SAMD3: variants seen among roughly 807,000 people sequenced by gnomAD.
SAMD3 encodes sterile alpha motif domain-containing protein 3.
Under a neutral mutation model 58.5 loss-of-function variants are expected in SAMD3, and 63 were observed. The ratio of observed to expected loss-of-function variants is 1.08; its 90% CI spans 0.88 to 1.33. The LOEUF (loss-of-function observed/expected upper bound fraction) is 1.33, where lower values mean the gene tolerates loss of function less well. Ranked by LOEUF, SAMD3 falls within the 40% of genes most tolerant of loss-of-function variation. The probability of loss-of-function intolerance (pLI) is 0.00; values close to 1 mark genes in which losing one functional copy is unlikely to be tolerated. For synonymous variants in SAMD3, 220 were observed against 210.3 expected (o/e 1.05, Z -0.40); for missense variants, 604 against 608.4 (o/e 0.99, Z 0.08).
chr6:130,207,948 G>T (rs1795222628), intron 5 of SAMD3, among the ~76,000 whole-genome samples: 1 of 152,220 alleles, frequency 6.6e-6, no homozygotes, highest in Non-Finnish European at 1.5e-5. Flanking sequence ...TAGGGCTGCT[G>T]GGGCCTTGCA....
intron 2 of SAMD3, among the ~76,000 whole-genome samples, chr6:130,245,757 C>G (rs929640967): frequency 1.3e-5 from 2 of 152,150 alleles, no homozygotes; most frequent in Non-Finnish European, 2.9e-5. Flanking sequence ...GGCAAGAATT[C>G]TATGAGATGC....
chr6:130,354,887 C>T (rs1777780082), intron 1 of SAMD3, among the ~76,000 whole-genome samples: 2 of 152,098 alleles, frequency 1.3e-5, no homozygotes, highest in Non-Finnish European at 1.5e-5. Context: ...AGCAGAGCCT[C>T]CTTTGAGACC....
At position 130,146,113 on chromosome 6, in the gene SAMD3, G is replaced by A. The variant is rs1788604400; in HGVS notation, c.1092C>T (p.Ser364=). The A allele has an allele frequency of 6.2e-7, 1 of 1,600,764 alleles. No individual in the cohort carries two copies. Among genetic ancestry groups the A allele is most frequent in the Non-Finnish European group, 8.5e-7 (1 of 1,173,072 alleles). The stretch of plus-strand genomic sequence containing the variant: ...AAGAAGTCAGTATATTTTCTGAATA[G>A]GATTCCAAAATGTGCCTTGTTTTCT... ...IYKKTRHILE[S]YSENILTSFS... is the part of the protein sequence containing the mutation. The change falls in exon 10 of 12, where the codon TCC becomes TCT. Residue 364 remains serine, a synonymous_variant. Coordinates refer to ENST00000439090, the MANE Select transcript of SAMD3 (RefSeq NM_001017373.4).
chr6:130,354,694 A>G (rs543792502), intron 1 of SAMD3, among the ~76,000 whole-genome samples: 1 of 152,230 alleles, frequency 6.6e-6, no homozygotes, highest in Non-Finnish European at 1.5e-5. Context: ...AAAAATAACT[A>G]TTGGGCACCA....
chr6:130,240,860 A>G (rs976344092), intron 2 of SAMD3, among the ~76,000 whole-genome samples: 6 of 152,136 alleles, frequency 3.9e-5, no homozygotes, highest in Non-Finnish European at 7.4e-5. Flanking sequence ...TGAGGGAAGA[A>G]ATTTTTGTTC....
intron 2 of SAMD3, among the ~76,000 whole-genome samples, chr6:130,265,654 C>G (rs918899453): frequency 5.3e-5 from 8 of 152,060 alleles, no homozygotes; most frequent in African/African-American, 1.7e-4. Flanking sequence ...AATGACCAAC[C>G]TAATGTGTGT....
At chr6:130,186,618 G>A (rs1025115247) in intron 5 of SAMD3, among the ~76,000 whole-genome samples, 1 of 151,942 alleles carries the variant, frequency 6.6e-6, no homozygotes, top group Admixed American at 6.6e-5. Context: ...TACTAAATGC[G>A]AATTACTCTT....
intron 1 of SAMD3, among the ~76,000 whole-genome samples, chr6:130,358,726 T>TACACAC (rs3029958): frequency 7.9e-4 from 114 of 144,698 alleles, no homozygotes; most frequent in Middle Eastern, 3.6e-3. Context: ...CACTATGTCT[T>TACACAC]ACACACACAC....
At chr6:130,174,218 G>T (rs1474193324) in intron 8 of SAMD3, among the ~76,000 whole-genome samples, 2 of 152,144 alleles carry the variant, frequency 1.3e-5, no homozygotes, top group Non-Finnish European at 2.9e-5. Context: ...GGCGCCACTG[G>T]GGTATGAAAA....
intron 7 of SAMD3, among the ~76,000 whole-genome samples, chr6:130,177,522 G>T (rs1030369740): frequency 6.6e-6 from 1 of 152,072 alleles, no homozygotes; most frequent in Non-Finnish European, 1.5e-5. Context: ...ACACCTAGAT[G>T]GTATGTAGTT....
intron 8 of SAMD3, among the ~76,000 whole-genome samples, chr6:130,167,720 A>G (rs1790852127): frequency 6.6e-6 from 1 of 152,256 alleles, no homozygotes; most frequent in South Asian, 2.1e-4. Flanking sequence ...ACTAAAAGTC[A>G]GATGCATAAG....
intron 5 of SAMD3, among the ~76,000 whole-genome samples, chr6:130,189,112 A>C (rs1257370692): frequency 6.6e-6 from 1 of 151,870 alleles, no homozygotes; most frequent in Non-Finnish European, 1.5e-5. Flanking sequence ...CCAAAAAAAA[A>C]AAAAAACCAA....
intron 2 of SAMD3, among the ~76,000 whole-genome samples, chr6:130,234,064 A>G (rs1796617665): frequency 6.6e-6 from 1 of 152,180 alleles, no homozygotes; most frequent in African/African-American, 2.4e-5. Flanking sequence ...GGGATTTATC[A>G]TTTATTTTTC....
intron 8 of SAMD3, among the ~76,000 whole-genome samples, chr6:130,171,494 T>G (rs1355680857): frequency 3.3e-5 from 5 of 152,236 alleles, no homozygotes; most frequent in Non-Finnish European, 5.9e-5. Context: ...AGGAGCAGGC[T>G]GTTCAATTTC....
intron 2 of SAMD3, among the ~76,000 whole-genome samples, chr6:130,293,512 C>T (rs1269160779): frequency 6.6e-6 from 1 of 151,766 alleles, no homozygotes; most frequent in East Asian, 1.9e-4. Flanking sequence ...CAGATTACCA[C>T]CTTTTTGTGA....
At chr6:130,143,969 TGAG>T (rs1788397537), downstream of SAMD3, 1 of 153,266 alleles carries the variant, frequency 6.5e-6, no homozygotes, top group African/African-American at 2.4e-5. Context: ...CAGCCAGCAA[TGAG>T]GAGACCTCAA....
intron 1 of SAMD3, among the ~76,000 whole-genome samples, chr6:130,324,006 G>A (rs1187122532): frequency 6.6e-6 from 1 of 151,962 alleles, no homozygotes; most frequent in Non-Finnish European, 1.5e-5. Flanking sequence ...AGGGATGAAT[G>A]AATAAATACA....
At chr6:130,145,752 A>G (rs1424496566) in intron 10 of SAMD3, among the ~76,000 whole-genome samples, 1 of 152,106 alleles carries the variant, frequency 6.6e-6, no homozygotes. Context: ...TATCCAGTAT[A>G]CTTTTAAAAT....
chr6:130,232,811 T>C (rs907474450), intron 2 of SAMD3, among the ~76,000 whole-genome samples: 1 of 152,228 alleles, frequency 6.6e-6, no homozygotes, highest in African/African-American at 2.4e-5. Flanking sequence ...TGGTATGGCA[T>C]GAAAGGGGCA....
Sources: allele counts gnomAD v4.1 joint callset (sites outside exome capture counted in the v4.1 genomes callset), GRCh38; gene constraint gnomAD v4.1.1; transcripts MANE v1.5; gene names NCBI Gene and HGNC (gene_info 2026-07-23, HGNC 2026-07-21).